The following TENM2 variants were observed in gnomAD, a reference collection of about 807,000 sequenced individuals.
The protein encoded by TENM2 is teneurin-2.
TENM2 carries 52 observed loss-of-function variants against 245.2 expected under a neutral mutation model. That is an observed-to-expected ratio of 0.21 (90% confidence interval 0.17 to 0.27). The LOEUF is 0.27. Among genes scored for constraint, TENM2 ranks in the 10% least tolerant of loss-of-function variants. The probability of loss-of-function intolerance (pLI) is 1.00; values close to 1 mark genes in which losing one functional copy is unlikely to be tolerated. For missense variants in TENM2, 3,046 were observed against 3,666.8 expected (o/e 0.83, Z 4.37); for synonymous variants, 1,363 against 1,438.9 (o/e 0.95, Z 1.19).
At chr5:167,505,043 C>T (rs569337998) in intron 2 of TENM2, among the ~76,000 whole-genome samples, 2 of 152,202 alleles carry the variant, frequency 1.3e-5, no homozygotes, top group Admixed American at 6.6e-5. Context: ...GAAAACAAAT[C>T]AGGGGTAAAG....
At chr5:167,815,377 C>G (rs780012668) in intron 2 of TENM2, among the ~76,000 whole-genome samples, 1 of 152,122 alleles carries the variant, frequency 6.6e-6, no homozygotes, top group Non-Finnish European at 1.5e-5. Flanking sequence ...ATCTTCCAGG[C>G]ATGACATATT....
chr5:167,440,123 T>G (rs1250834219), intron 2 of TENM2, among the ~76,000 whole-genome samples: 2 of 152,212 alleles, frequency 1.3e-5, no homozygotes, highest in African/African-American at 4.8e-5. Context: ...CCTTTATATG[T>G]TATAACCAGA....
intron 15 of TENM2, among the ~76,000 whole-genome samples, chr5:168,197,562 T>C (rs1761550694): frequency 6.6e-6 from 1 of 152,018 alleles, no homozygotes; most frequent in South Asian, 2.1e-4. Context: ...TAGCCAGGCA[T>C]CGTGGCAGGC....
At chr5:167,840,561 T>C (rs1458854304) in intron 2 of TENM2, among the ~76,000 whole-genome samples, 1 of 151,898 alleles carries the variant, frequency 6.6e-6, no homozygotes, top group Non-Finnish European at 1.5e-5. Context: ...CCCCCCACAA[T>C]GTTAACTGAG....
chr5:168,040,682 T>G (rs1248869132), intron 5 of TENM2, among the ~76,000 whole-genome samples: 3 of 152,232 alleles, frequency 2.0e-5, no homozygotes, highest in African/African-American at 7.2e-5. Flanking sequence ...CCCACATAGT[T>G]TTGTTTGCAT....
intron 7 of TENM2, among the ~76,000 whole-genome samples, chr5:168,085,785 G>A (rs982091131): frequency 6.6e-6 from 1 of 152,200 alleles, no homozygotes; most frequent in African/African-American, 2.4e-5. Context: ...CTCTGGATGT[G>A]ACCAGAGACC....
At chr5:168,042,509 T>C (rs1788278577) in intron 5 of TENM2, among the ~76,000 whole-genome samples, 1 of 151,976 alleles carries the variant, frequency 6.6e-6, no homozygotes, top group Admixed American at 6.6e-5. Flanking sequence ...GCCCACACAT[T>C]CCCTAATTAC....
chr5:167,205,289 G>A, the TENM2 span, among the ~76,000 whole-genome samples: 25 of 152,294 alleles, frequency 1.6e-4, no homozygotes, highest in East Asian at 7.7e-4. Context: ...GCTGAGGCAC[G>A]AGAATCGCTT....
chr5:167,349,244 T>C (rs1184762634), intron 1 of TENM2, among the ~76,000 whole-genome samples: 1 of 152,218 alleles, frequency 6.6e-6, no homozygotes, highest in Non-Finnish European at 1.5e-5. Flanking sequence ...GTGCACGTCA[T>C]CTAATAGATC....
chr5:167,998,323 A>T (rs1198361487), intron 5 of TENM2, among the ~76,000 whole-genome samples: 1 of 152,210 alleles, frequency 6.6e-6, no homozygotes, highest in Admixed American at 6.5e-5. Context: ...TGTGTCATGG[A>T]ATGACATCAT....
the TENM2 span, among the ~76,000 whole-genome samples, chr5:167,000,802 T>C: frequency 3.3e-3 from 508 of 152,310 alleles, 14 homozygotes; most frequent in South Asian, 0.061. Context: ...CCTAGCTCTA[T>C]TCGTAGAAAA....
chr5:167,039,343 A>C, the TENM2 span, among the ~76,000 whole-genome samples: 1 of 152,114 alleles, frequency 6.6e-6, no homozygotes, highest in Admixed American at 6.6e-5. Context: ...TCTTGCAGTG[A>C]CCTAGGGCAG....
chr5:168,229,211 T>C (rs1182961846), intron 25 of TENM2, among the ~76,000 whole-genome samples: 1 of 152,170 alleles, frequency 6.6e-6, no homozygotes, highest in Non-Finnish European at 1.5e-5. Context: ...GGAAGCTAAA[T>C]TACCTGTCCA....
At chr5:167,351,910 C>T (rs1758946442) in intron 1 of TENM2, among the ~76,000 whole-genome samples, 1 of 151,656 alleles carries the variant, frequency 6.6e-6, no homozygotes, top group African/African-American at 2.4e-5. Context: ...TTTAGGAGTC[C>T]CTCTCTCAAC....
intron 2 of TENM2, among the ~76,000 whole-genome samples, chr5:167,742,068 T>G (rs918866121): frequency 2.0e-5 from 3 of 152,192 alleles, no homozygotes; most frequent in African/African-American, 7.2e-5. Context: ...AGAAATATCC[T>G]AAGTGGCAAT....
chr5:166,995,841 AAT>A, the TENM2 span, among the ~76,000 whole-genome samples: 8 of 122,956 alleles, frequency 6.5e-5, no homozygotes, highest in African/African-American at 1.3e-4. Flanking sequence ...AAAAAAAAAA[AAT>A]TTCTGTTCTC....
At chr5:168,020,255 G>C (rs144663443) in intron 5 of TENM2, among the ~76,000 whole-genome samples, 288 of 152,308 alleles carry the variant, frequency 1.9e-3, no homozygotes, top group African/African-American at 6.5e-3. Flanking sequence ...GACTTCTTTA[G>C]TGGATATTTA....
intron 2 of TENM2, among the ~76,000 whole-genome samples, chr5:167,748,446 A>G (rs1173695754): frequency 6.6e-6 from 1 of 152,092 alleles, no homozygotes; most frequent in Non-Finnish European, 1.5e-5. Flanking sequence ...TAGTGTAATC[A>G]TAGCTGGCTG....
chr5:167,404,500 G>T, intron 2 of TENM2, among the ~76,000 whole-genome samples: 1 of 152,080 alleles, frequency 6.6e-6, no homozygotes, highest in East Asian at 1.9e-4. Flanking sequence ...AGCCCACTGG[G>T]GAGAGATAAA....
Sources: allele counts gnomAD v4.1 joint callset (sites outside exome capture counted in the v4.1 genomes callset), GRCh38; gene constraint gnomAD v4.1.1; transcripts MANE v1.5; gene names NCBI Gene and HGNC (gene_info 2026-07-23, HGNC 2026-07-21).